PKD2: variants seen among roughly 807,000 people sequenced by gnomAD.
PKD2 encodes the protein polycystin-2.
In PKD2, 48 loss-of-function variants were observed where a neutral mutation model predicts 105.9. The observed-to-expected ratio is 0.45, with a 90% CI of 0.36 to 0.58. PKD2 has a LOEUF of 0.58. Ranked by LOEUF, PKD2 falls within the 20% of genes least tolerant of loss-of-function variation. PKD2 has a pLI of 0.00. For missense variants in PKD2, 1,078 were observed against 1,255.3 expected (o/e 0.86, Z 2.13); for synonymous variants, 464 against 481.1 (o/e 0.96, Z 0.46).
At chr4:88,034,012 A>G (rs1727247541) in intron 2 of PKD2, among the ~76,000 whole-genome samples, 1 of 152,174 alleles carries the variant, frequency 6.6e-6, no homozygotes, top group African/African-American at 2.4e-5. Flanking sequence ...CCTCTTCTTG[A>G]GTGCAGAGAT....
intron 2 of PKD2, among the ~76,000 whole-genome samples, chr4:88,027,493 T>C (rs548690185): frequency 1.6e-4 from 25 of 152,354 alleles, no homozygotes; most frequent in African/African-American, 5.8e-4. Context: ...CTTTTGATTT[T>C]ACAGACTCAG....
chr4:88,020,943 T>C (rs2728112), intron 2 of PKD2, among the ~76,000 whole-genome samples: 122,493 of 152,118 alleles, frequency 0.81, 49,653 homozygotes, highest in African/African-American at 0.9. Flanking sequence ...CCTCCTGCCT[T>C]GGAAGTTCTG....
chr4:88,039,436 G>T (rs569677591), intron 4 of PKD2, among the ~76,000 whole-genome samples: 1 of 152,074 alleles, frequency 6.6e-6, no homozygotes. Flanking sequence ...AAGCCAAGGC[G>T]GACAGATCAC....
intron 4 of PKD2, among the ~76,000 whole-genome samples, chr4:88,041,623 A>G (rs1292340005): frequency 6.6e-6 from 1 of 152,218 alleles, no homozygotes; most frequent in South Asian, 2.1e-4. Context: ...TTAGAGACTC[A>G]GTGCCTGGGG....
In PKD2 at chr4:88,038,408, C is replaced by A. The variant is rs1186059210; in HGVS notation, c.1001C>A (p.Pro334His). The change falls in exon 4 of 15, where the codon CCC (proline) becomes CAC (histidine). Residue 334 changes from proline to histidine, a missense_variant. Pro to His is a moderately conservative substitution (Grantham distance 77, BLOSUM62 -2). This residue lies in a region of PKD2 where 868 missense variants were observed against 1,067.3 expected (regional missense o/e 0.81). Coordinates refer to ENST00000237596, the MANE Select transcript of PKD2 (RefSeq NM_000297.4). ...LRVRNGSCSI[P>H]QDLRDEIKEC... ...GTCAGAAATGGATCCTGCTCTATCC[C>A]CCAGGACTTGAGAGATGAAATTAAA... 1.2e-6 allele frequency: 2 copies of A among 1,613,386 alleles called. No homozygotes were observed. Among genetic ancestry groups the A allele is most frequent in the African/African-American group, 2.7e-5 (2 of 74,976 alleles).
At chr4:88,056,305 G>C in intron 8 of PKD2, 38 bp downstream of exon 8, 1 of 1,258,858 alleles carries the variant, frequency 7.9e-7, no homozygotes, top group Non-Finnish European at 1.1e-6. Context: ...AATTTAATCA[G>C]AGTTGTCACT....
chr4:88,070,722 C>T (rs1160211949), intron 13 of PKD2, among the ~76,000 whole-genome samples: 1 of 151,144 alleles, frequency 6.6e-6, no homozygotes, highest in Non-Finnish European at 1.5e-5. Context: ...AGCCTGAACA[C>T]CTGGGCTCAA....
At chr4:88,049,986 T>C (rs979687444) in intron 6 of PKD2, among the ~76,000 whole-genome samples, 4 of 147,466 alleles carry the variant, frequency 2.7e-5, no homozygotes, top group Admixed American at 2.7e-4. Context: ...TTTTTTTTTT[T>C]TTTTTTGAGA....
chr4:88,063,899 A>C (rs1369909908), intron 10 of PKD2, among the ~76,000 whole-genome samples: 1 of 151,904 alleles, frequency 6.6e-6, no homozygotes, highest in Admixed American at 6.6e-5. Flanking sequence ...TTACTCCTGT[A>C]ATCCCAGCAC....
intron 9 of PKD2, among the ~76,000 whole-genome samples, chr4:88,059,144 A>T (rs577325850): frequency 7.2e-5 from 11 of 152,000 alleles, no homozygotes; most frequent in Non-Finnish European, 1.0e-4. Context: ...TTTAAAAAAA[A>T]TTTTTTTTCC....
Position 88,052,509 on chromosome 4 carries a change from A to G in PKD2, c.1716+351A>G, listed in dbSNP as rs1039465513. ...GGTTTTGAACTCCTGGGTTCAAGCA[A>G]TCCTCCCACCTCAGCCTCCCAAAGT... is the stretch of plus-strand genomic sequence containing the variant. On this transcript the variant is annotated intron_variant, in intron 7 of 14. Coordinates refer to ENST00000237596, the MANE Select transcript of PKD2 (RefSeq NM_000297.4). 5.3e-5 allele frequency among the ~76,000 whole-genome samples: 8 copies of G among 152,230 alleles called. No individual in the cohort carries two copies. In the South Asian group the frequency reaches 8.3e-4, roughly 16 times the overall value.
chr4:88,007,790 C>A lies in PKD2; in HGVS notation c.57C>A (p.Pro19=), dbSNP rs1273785784. ...PQQPGDAKRP[P]APRAPDPGRL... ...AGCCCGGGGACGCCAAGCGGCCGCC[C>A]GCGCCCCGCGCGCCGGACCCGGGCC... Residue 19 remains proline, a synonymous_variant, in exon 1 of 15, where the codon CCC becomes CCA. Coordinates refer to ENST00000237596, the MANE Select transcript of PKD2 (RefSeq NM_000297.4). The A allele has an allele frequency of 1.6e-5, 19 of 1,154,278 alleles. No individual in the cohort carries two copies. The highest frequency in any genetic ancestry group is 1.8e-5 in the Non-Finnish European group (17 of 935,540). 71.5% of individuals were successfully genotyped at this position (1,154,278 alleles called of 1,614,324 possible).
chr4:88,074,334 T>G (rs188535747), intron 13 of PKD2, among the ~76,000 whole-genome samples: 1 of 152,088 alleles, frequency 6.6e-6, no homozygotes, highest in East Asian at 1.9e-4. Context: ...AGATGAAGTT[T>G]TGCCATCCTG....
chr4:88,070,830 T>C lies in PKD2; in HGVS notation c.2522+2769T>C, dbSNP rs114090874. Among the ~76,000 whole-genome samples, 1,300 of 152,006 alleles carry C rather than the reference T, an allele frequency of 8.6e-3. 19 individuals carry two copies. The highest frequency in any genetic ancestry group is 0.03 in the African/African-American group (1,225 of 41,498). On this transcript the variant is annotated intron_variant, in intron 13 of 14. Transcript: ENST00000237596. ...AAAAAAAATTTGTAGAGATGGCATC[T>C]TGTTATGTTGCCCAGGTTGGTCTCA...
intron 3 of PKD2, among the ~76,000 whole-genome samples, chr4:88,037,491 C>T (rs1318740165): frequency 1.3e-5 from 2 of 152,210 alleles, no homozygotes; most frequent in African/African-American, 4.8e-5. Flanking sequence ...ATTCTTACTA[C>T]ACCCTGGGGT....
chr4:88,057,331 A>G (rs561157550), intron 8 of PKD2, among the ~76,000 whole-genome samples: 4 of 151,726 alleles, frequency 2.6e-5, no homozygotes, highest in Admixed American at 6.6e-5. Flanking sequence ...CTTTAGACCG[A>G]GGGTGACTGT....
chr4:88,036,131 C>T, intron 2 of PKD2, 89 bp from the exon 3 acceptor site: 2 of 1,609,846 alleles, frequency 1.2e-6, no homozygotes, highest in Non-Finnish European at 1.7e-6. Flanking sequence ...AATGTTTATC[C>T]ACAGGAACAA....
intron 1 of PKD2, among the ~76,000 whole-genome samples, chr4:88,009,928 A>G (rs544480496): frequency 2.7e-4 from 41 of 152,288 alleles, no homozygotes; most frequent in African/African-American, 9.6e-4. Flanking sequence ...ACTCAATAAC[A>G]GAATATAGAG....
intron 7 of PKD2, among the ~76,000 whole-genome samples, chr4:88,053,712 A>G (rs1174859363): frequency 2.0e-5 from 3 of 152,070 alleles, no homozygotes; most frequent in Non-Finnish European, 4.4e-5. Flanking sequence ...CTATTTATTT[A>G]TTGACATGCT....
Sources: gnomAD v4.1 joint callset for allele counts (sites outside exome capture counted in the v4.1 genomes callset) on GRCh38, gnomAD v4.1.1 for gene constraint, gnomAD v4.1.1 regional missense constraint, MANE v1.5 for transcripts, NCBI Gene and HGNC (gene_info 2026-07-23, HGNC 2026-07-21) for gene names.